MOB3B: variants seen among roughly 807,000 people sequenced by gnomAD.
The protein encoded by MOB3B is MOB kinase activator 3B, also known as MOB kinase activator-like 2B.
MOB3B carries 7 observed loss-of-function variants against 18.7 expected under a neutral mutation model. The ratio of observed to expected loss-of-function variants is 0.37; its 90% CI spans 0.21 to 0.70. The LOEUF is 0.70. Ranked by LOEUF, MOB3B falls within the 30% of genes least tolerant of loss-of-function variation. The probability of loss-of-function intolerance (pLI) is 0.52; values close to 1 mark genes in which losing one functional copy is unlikely to be tolerated. For missense variants in MOB3B, 253 were observed against 281.3 expected, an observed-to-expected ratio of 0.90 and a Z score of 0.72; for synonymous variants, 111 against 99.9, an observed-to-expected ratio of 1.11 and a Z score of -0.66.
At chr9:27,353,294 A>T (rs2131350132) in intron 3 of MOB3B, among the ~76,000 whole-genome samples, 1 of 152,324 alleles carries the variant, frequency 6.6e-6, no homozygotes, top group South Asian at 2.1e-4. Context: ...GGTGATTCAC[A>T]TGCACATTAA....
At chr9:27,378,708 T>G (rs952716038) in intron 2 of MOB3B, 2 of 470,798 alleles carry the variant, frequency 4.2e-6, no homozygotes, top group Non-Finnish European at 8.8e-6. Flanking sequence ...TCTTTGAGTA[T>G]TGCATGTGCA....
intron 1 of MOB3B, among the ~76,000 whole-genome samples, chr9:27,488,134 G>T (rs778061345): frequency 6.6e-6 from 1 of 152,160 alleles, no homozygotes; most frequent in Non-Finnish European, 1.5e-5. Context: ...TTCCCCTGCA[G>T]CTGGAAGTCT....
Position 27,330,555 on chromosome 9 carries a change from C to G in MOB3B, c.*32G>C, listed in dbSNP as rs1820771209. 6.2e-7 allele frequency: 1 copy of G among 1,613,654 alleles called. No individual in the cohort carries two copies. The highest frequency in any genetic ancestry group is 2.2e-5 in the East Asian group (1 of 44,856). ...CGCTCAGGGCACCAGGAGGAAACAG[C>G]TTTCCTTTCTTCCAAAGGGTGAGGT... On this transcript the variant is annotated 3_prime_UTR_variant, in exon 4 of 4. Coordinates refer to ENST00000262244, the MANE Select transcript of MOB3B (RefSeq NM_024761.5).
chr9:27,497,664 T>G, intron 1 of MOB3B, among the ~76,000 whole-genome samples: 1 of 152,254 alleles, frequency 6.6e-6, no homozygotes, highest in African/African-American at 2.4e-5. Context: ...AATTAAAATA[T>G]AAAATGTTTT....
chr9:27,480,446 C>T (rs533377400), intron 1 of MOB3B, among the ~76,000 whole-genome samples: 1 of 152,286 alleles, frequency 6.6e-6, no homozygotes, highest in African/African-American at 2.4e-5. Flanking sequence ...ACTACAGGCA[C>T]CCGCCACCAT....
intron 2 of MOB3B, among the ~76,000 whole-genome samples, chr9:27,361,811 A>G (rs780219006): frequency 6.6e-6 from 1 of 152,188 alleles, no homozygotes; most frequent in Non-Finnish European, 1.5e-5. Flanking sequence ...CGGGCTCTGC[A>G]CACACTTTTA....
intron 2 of MOB3B, among the ~76,000 whole-genome samples, chr9:27,417,358 C>T (rs1822167868): frequency 6.7e-6 from 1 of 150,246 alleles, no homozygotes; most frequent in African/African-American, 2.4e-5. Context: ...AGCGAGACTC[C>T]GTCTCAAAAA....
chr9:27,385,952 G>T (rs181975662), intron 2 of MOB3B, among the ~76,000 whole-genome samples: 2 of 152,202 alleles, frequency 1.3e-5, no homozygotes, highest in African/African-American at 4.8e-5. Flanking sequence ...AAGAAGATTC[G>T]CTGACACTTT....
intron 2 of MOB3B, among the ~76,000 whole-genome samples, chr9:27,434,790 C>T (rs1822472655): frequency 6.6e-6 from 1 of 152,094 alleles, no homozygotes; most frequent in Non-Finnish European, 1.5e-5. Flanking sequence ...CCAACTCTTT[C>T]CACACTTGAG....
intron 2 of MOB3B, among the ~76,000 whole-genome samples, chr9:27,370,553 T>C (rs981063450): frequency 5.3e-5 from 8 of 150,914 alleles, no homozygotes; most frequent in African/African-American, 2.0e-4. Flanking sequence ...TCTTTCTCCA[T>C]GTGAAGTTAT....
At chr9:27,377,695 T>G (rs2131371820) in intron 2 of MOB3B, among the ~76,000 whole-genome samples, 1 of 152,362 alleles carries the variant, frequency 6.6e-6, no homozygotes, top group South Asian at 2.1e-4. Context: ...CTGGCAAAGT[T>G]CATGAAACTG....
intron 2 of MOB3B, among the ~76,000 whole-genome samples, chr9:27,437,231 G>T (rs772134759): frequency 6.6e-5 from 10 of 152,112 alleles, no homozygotes; most frequent in Non-Finnish European, 1.3e-4. Context: ...TGTTTTTTAA[G>T]AAAATAAATT....
At chr9:27,521,582 G>C (rs966112327) in intron 1 of MOB3B, among the ~76,000 whole-genome samples, 2 of 152,142 alleles carry the variant, frequency 1.3e-5, no homozygotes, top group African/African-American at 2.4e-5. Context: ...AAGCAAAATG[G>C]GGAACAAGCA....
intron 3 of MOB3B, among the ~76,000 whole-genome samples, chr9:27,341,811 C>T (rs534924658): frequency 2.6e-4 from 39 of 152,204 alleles, no homozygotes; most frequent in South Asian, 6.2e-4. Flanking sequence ...CTTGGCAGAG[C>T]GAGAATTCAA....
intron 1 of MOB3B, among the ~76,000 whole-genome samples, chr9:27,481,534 T>G (rs1035413451): frequency 7.1e-6 from 1 of 140,764 alleles, no homozygotes; most frequent in Non-Finnish European, 1.6e-5. Context: ...TTTTTTTTTT[T>G]TGAGACGGAG....
At chr9:27,408,309 A>C (rs951040667) in intron 2 of MOB3B, among the ~76,000 whole-genome samples, 3 of 152,144 alleles carry the variant, frequency 2.0e-5, no homozygotes, top group Non-Finnish European at 4.4e-5. Flanking sequence ...GAAAGTAAAA[A>C]TTTCCGCTTC....
intron 2 of MOB3B, among the ~76,000 whole-genome samples, chr9:27,380,128 C>A: frequency 6.6e-6 from 1 of 152,180 alleles, no homozygotes; most frequent in East Asian, 1.9e-4. Context: ...TCCTCACCCA[C>A]CACGAGGTCT....
chr9:27,505,816 T>C (rs1820049970), intron 1 of MOB3B, among the ~76,000 whole-genome samples: 1 of 152,308 alleles, frequency 6.6e-6, no homozygotes, highest in African/African-American at 2.4e-5. Flanking sequence ...TGACACATTC[T>C]TCAGGTGTCT....
chr9:27,492,523 T>C (rs942689839), intron 1 of MOB3B, among the ~76,000 whole-genome samples: 5 of 152,128 alleles, frequency 3.3e-5, no homozygotes, highest in African/African-American at 1.2e-4. Flanking sequence ...TACCTAAAGG[T>C]TTTCAGAAAT....
Sources: allele counts gnomAD v4.1 joint callset (sites outside exome capture counted in the v4.1 genomes callset), GRCh38; gene constraint gnomAD v4.1.1; transcripts MANE v1.5; gene names NCBI Gene and HGNC (gene_info 2026-07-23, HGNC 2026-07-21).